Variants in TMC1 observed in about 807,000 individuals in gnomAD.
TMC1 encodes transmembrane channel like 1, also known as transmembrane channel-like protein 1.
TMC1 carries 84 observed loss-of-function variants against 105.8 expected under a neutral mutation model. The observed-to-expected ratio is 0.79, with a 90% confidence interval of 0.67 to 0.95. TMC1 has a LOEUF of 0.95. Among genes scored for constraint, TMC1 ranks in the 40% least tolerant of loss-of-function variants. The pLI is 0.00. For synonymous variants in TMC1, 315 were observed against 311.5 expected, an observed-to-expected ratio of 1.01 and a Z score of -0.12; for missense variants, 817 against 914.1, an observed-to-expected ratio of 0.89 and a Z score of 1.37.
At chr9:72,660,771 TG>T (rs1825958974) in intron 5 of TMC1, among the ~76,000 whole-genome samples, 1 of 152,220 alleles carries the variant, frequency 6.6e-6, no homozygotes, top group African/African-American at 2.4e-5. Context: ...TATCCTCCTG[TG>T]GCTTCCCCGT....
chr9:72,726,642 C>T (rs1827130375), intron 8 of TMC1, among the ~76,000 whole-genome samples: 1 of 152,172 alleles, frequency 6.6e-6, no homozygotes, highest in South Asian at 2.1e-4. Context: ...TTGCAGAGCT[C>T]ACTGAAATGC....
chr9:72,638,674 G>A (rs1033924919), intron 4 of TMC1, among the ~76,000 whole-genome samples: 17 of 152,126 alleles, frequency 1.1e-4, no homozygotes, highest in African/African-American at 2.9e-4. Flanking sequence ...CATAAACAGC[G>A]AGAAATAAAT....
intron 1 of TMC1, among the ~76,000 whole-genome samples, chr9:72,526,106 G>T (rs1316289852): frequency 2.6e-5 from 4 of 152,162 alleles, no homozygotes; most frequent in African/African-American, 7.2e-5. Context: ...TTGGGGGCTG[G>T]GGGCGTGGGG....
intron 2 of TMC1, among the ~76,000 whole-genome samples, chr9:72,596,149 A>G (rs1050687242): frequency 2.0e-5 from 3 of 152,184 alleles, no homozygotes; most frequent in African/African-American, 7.2e-5. Flanking sequence ...TGCTGGGATT[A>G]CAGGCGTGAG....
intron 2 of TMC1, among the ~76,000 whole-genome samples, chr9:72,610,441 G>C (rs1012907079): frequency 6.6e-6 from 1 of 152,150 alleles, no homozygotes; most frequent in Non-Finnish European, 1.5e-5. Context: ...CAATGATGTA[G>C]TTCTAGTGTG....
At chr9:72,718,024 C>T (rs1826951898) in intron 8 of TMC1, among the ~76,000 whole-genome samples, 1 of 151,820 alleles carries the variant, frequency 6.6e-6, no homozygotes. Context: ...TTTTGCATTT[C>T]TCTGTGTTCT....
chr9:72,768,550 T>G (rs1044350715), intron 12 of TMC1, among the ~76,000 whole-genome samples: 2 of 152,158 alleles, frequency 1.3e-5, no homozygotes, highest in Non-Finnish European at 2.9e-5. Flanking sequence ...TTCATATATA[T>G]CAAATAGGCA....
At chr9:72,713,570 A>G (rs955051001) in intron 8 of TMC1, among the ~76,000 whole-genome samples, 2 of 152,096 alleles carry the variant, frequency 1.3e-5, no homozygotes, top group Non-Finnish European at 2.9e-5. Flanking sequence ...AGAGGTATTT[A>G]TAGTATTCTC....
At chr9:72,807,124 G>C (rs34810577) in intron 18 of TMC1, among the ~76,000 whole-genome samples, 10,314 of 152,238 alleles carry the variant, frequency 0.068, 398 homozygotes, top group African/African-American at 0.1. Context: ...GTGTCGGCGC[G>C]AGCCTGCAAT....
intron 11 of TMC1, among the ~76,000 whole-genome samples, chr9:72,753,238 G>T (rs1418078299): frequency 1.4e-5 from 2 of 146,790 alleles, no homozygotes; most frequent in Non-Finnish European, 3.0e-5. Context: ...ACACTTTCAG[G>T]TAATGAAGCT....
chr9:72,630,395 CT>C lies in TMC1; in HGVS notation c.-53+2336del, dbSNP rs753828824. Reference sequence around the variant, plus strand: ...GATTGGTCTATAAAGTGGTTCAAAACTTTTGTAAACTATATATAAGCTATTT... The same window carrying C: ...GATTGGTCTATAAAGTGGTTCAAAACTTTGTAAACTATATATAAGCTATTT... On this transcript the variant is annotated intron_variant, in intron 4 of 23. Transcript: ENST00000297784. Among the ~76,000 whole-genome samples the C allele has an allele frequency of 5.9e-5, 9 of 152,268 alleles. No homozygotes were observed. In the East Asian group the frequency reaches 9.6e-4, roughly 16 times the overall value.
chr9:72,616,225 T>G (rs1029956631), intron 2 of TMC1, 143 bp from the exon 3 acceptor site: 1 of 152,194 alleles, frequency 6.6e-6, no homozygotes, highest in Non-Finnish European at 1.5e-5. Flanking sequence ...ACATTATAGT[T>G]GGGGAAGCTC....
chr9:72,526,140 A>T (rs965720582), intron 1 of TMC1, among the ~76,000 whole-genome samples: 3 of 152,194 alleles, frequency 2.0e-5, no homozygotes, highest in African/African-American at 7.2e-5. Context: ...GTCCTCTAGA[A>T]GAAGACAACA....
intron 8 of TMC1, among the ~76,000 whole-genome samples, chr9:72,712,779 C>T (rs922430735): frequency 6.6e-6 from 1 of 152,142 alleles, no homozygotes; most frequent in African/African-American, 2.4e-5. Flanking sequence ...TGCCTGATTG[C>T]CCTGGCCAGA....
intron 6 of TMC1, among the ~76,000 whole-genome samples, chr9:72,691,664 G>A (rs1255146452): frequency 6.6e-6 from 1 of 152,200 alleles, no homozygotes; most frequent in Non-Finnish European, 1.5e-5. Flanking sequence ...TGAGGAAGCA[G>A]CATGTCCTGA....
chr9:72,605,807 C>CT (rs1304245313), intron 2 of TMC1, among the ~76,000 whole-genome samples: 2 of 152,060 alleles, frequency 1.3e-5, no homozygotes, highest in Non-Finnish European at 2.9e-5. Flanking sequence ...AACTCCTGGC[C>CT]TCAAGTTATC....
chr9:72,604,712 A>G (rs1412742490), intron 2 of TMC1, among the ~76,000 whole-genome samples: 2 of 152,246 alleles, frequency 1.3e-5, no homozygotes, highest in African/African-American at 4.8e-5. Context: ...GGGTGAATTC[A>G]GAAATAAATT....
intron 2 of TMC1, among the ~76,000 whole-genome samples, chr9:72,601,727 C>A (rs1824819391): frequency 6.6e-6 from 1 of 152,144 alleles, no homozygotes; most frequent in Admixed American, 6.5e-5. Context: ...CCTGTAGTTT[C>A]ATATACTTGG....
intron 2 of TMC1, among the ~76,000 whole-genome samples, chr9:72,596,237 T>C (rs1274604404): frequency 6.6e-6 from 1 of 152,156 alleles, no homozygotes; most frequent in Non-Finnish European, 1.5e-5. Flanking sequence ...TGTCTGCCCA[T>C]CTGTATCACC....
Sources: gnomAD v4.1 joint callset for allele counts (sites outside exome capture counted in the v4.1 genomes callset) on GRCh38, gnomAD v4.1.1 for gene constraint, MANE v1.5 for transcripts, NCBI Gene and HGNC (gene_info 2026-07-23, HGNC 2026-07-21) for gene names.